Variants in HIF1A observed in about 807,000 individuals in gnomAD.
The protein encoded by HIF1A is hypoxia-inducible factor 1-alpha.
HIF1A carries 24 observed loss-of-function variants against 92.7 expected under a neutral mutation model. The ratio of observed to expected loss-of-function variants is 0.26; its 90% CI spans 0.19 to 0.36. The LOEUF (loss-of-function observed/expected upper bound fraction) is 0.36, where lower values mean the gene tolerates loss of function less well. Among genes scored for constraint, HIF1A ranks in the 10% least tolerant of loss-of-function variants. The pLI is 1.00. For missense variants in HIF1A, 799 were observed against 998.5 expected (o/e 0.80, Z 2.69); for synonymous variants, 319 against 338.7 (o/e 0.94, Z 0.64).
intron 6 of HIF1A, among the ~76,000 whole-genome samples, chr14:61,728,300 C>CAAGT (rs2044532982): frequency 3.9e-5 from 6 of 152,272 alleles, no homozygotes; most frequent in Admixed American, 3.9e-4. Context: ...ACTAGAAAGC[C>CAAGT]AAGTGTTTGT....
intron 4 of HIF1A, among the ~76,000 whole-genome samples, chr14:61,722,543 A>C (rs1488793470): frequency 6.6e-6 from 1 of 152,180 alleles, no homozygotes; most frequent in African/African-American, 2.4e-5. Flanking sequence ...TGGAGTTAAA[A>C]ATTAAAATAC....
In HIF1A at chr14:61,726,701, AT is replaced by A; in HGVS notation, c.458-3del. ...CTTTAAAACTTTATTTCATGCTTTCATTAGGCCTTGTGAAAAAGGGTAAAGA... is the reference window on the plus strand; with the variant it reads ...CTTTAAAACTTTATTTCATGCTTTCATAGGCCTTGTGAAAAAGGGTAAAGA... On this transcript the variant is annotated splice_polypyrimidine_tract_variant and splice_region_variant and intron_variant, in intron 4 of 14. Transcript: ENST00000337138. 1 of 1,570,382 alleles carries A rather than the reference AT, an allele frequency of 6.4e-7. No individual in the cohort carries two copies. The highest frequency in any genetic ancestry group is 8.7e-7 in the Non-Finnish European group (1 of 1,154,726).
At chr14:61,706,957 A>G (rs1205445442) in intron 1 of HIF1A, among the ~76,000 whole-genome samples, 2 of 152,200 alleles carry the variant, frequency 1.3e-5, no homozygotes, top group Non-Finnish European at 2.9e-5. Context: ...TGAATAGTCT[A>G]GTCAGTGTAG....
chr14:61,717,347 C>A (rs181707050), intron 1 of HIF1A, among the ~76,000 whole-genome samples: 2 of 152,272 alleles, frequency 1.3e-5, no homozygotes, highest in East Asian at 3.9e-4. Flanking sequence ...TGTTATAAGA[C>A]CTCCAGTAGT....
chr14:61,722,180 C>G (rs1371349021), intron 4 of HIF1A, among the ~76,000 whole-genome samples: 2 of 151,532 alleles, frequency 1.3e-5, no homozygotes, highest in Admixed American at 1.3e-4. Flanking sequence ...ACCGCTGGGA[C>G]TCAAGCGATC....
rs17099117 is a variant in HIF1A at position 61,704,335 on chromosome 14, G to T, written c.35+8496G>T. Among the ~76,000 whole-genome samples the T allele has an allele frequency of 9.0e-3, 1,363 of 152,060 alleles. 15 individuals are homozygous for T. Among genetic ancestry groups the T allele is most frequent in the African/African-American group, 0.03 (1,260 of 41,460 alleles). On this transcript the variant is annotated intron_variant, in intron 1 of 14. Coordinates refer to ENST00000337138, the MANE Select transcript of HIF1A (RefSeq NM_001530.4). The stretch of plus-strand genomic sequence containing the variant: ...AGTTACTGATGCTTTTCCTTTACTT[G>T]GTTTTTTTTCCATAAACATCTGGCC...
At chr14:61,746,224 CAAA>C (rs912286333) in intron 14 of HIF1A, among the ~76,000 whole-genome samples, 7 of 69,442 alleles carry the variant, frequency 1.0e-4, no homozygotes, top group Admixed American at 1.6e-4. Flanking sequence ...GACTCTGCCT[CAAA>C]AAAAAAAAAA....
At chr14:61,744,578 GTTATC>G (rs2044753869) in intron 12 of HIF1A, 122 bp from the exon 13 acceptor site, 1 of 434,636 alleles carries the variant, frequency 2.3e-6, no homozygotes, top group Non-Finnish European at 4.2e-6. Context: ...GATCAGGAAA[GTTATC>G]TTATGTATAT....
intron 5 of HIF1A, 72 bp from the exon 6 acceptor site, chr14:61,727,381 C>T (rs950687904): frequency 8.9e-7 from 1 of 1,121,018 alleles, no homozygotes. Context: ...TCAGACTCAA[C>T]TACTTATCTC....
chr14:61,731,968 C>T (rs2044580983), intron 6 of HIF1A, among the ~76,000 whole-genome samples: 1 of 152,140 alleles, frequency 6.6e-6, no homozygotes, highest in Non-Finnish European at 1.5e-5. Context: ...GAAACCCCAT[C>T]CCTACTAAAA....
chr14:61,732,130 A>G (rs2044583150), intron 6 of HIF1A, among the ~76,000 whole-genome samples: 1 of 152,182 alleles, frequency 6.6e-6, no homozygotes, highest in Non-Finnish European at 1.5e-5. Flanking sequence ...ACACGAGGGA[A>G]ACTCTTGTCT....
intron 14 of HIF1A, among the ~76,000 whole-genome samples, chr14:61,746,392 C>CTTTTTTTTTTTT (rs754879947): frequency 1.0e-4 from 5 of 49,480 alleles, no homozygotes; most frequent in African/African-American, 2.5e-4. Flanking sequence ...TTTATGACTT[C>CTTTTTTTTTTTT]TTTTTTTTTT....
intron 1 of HIF1A, among the ~76,000 whole-genome samples, chr14:61,705,330 A>G (rs2140121124): frequency 6.6e-6 from 1 of 152,268 alleles, no homozygotes; most frequent in South Asian, 2.1e-4. Flanking sequence ...GATGTAGAAT[A>G]TGCCTTTTCT....
At chr14:61,696,149 C>T (rs1342963823) in intron 1 of HIF1A, among the ~76,000 whole-genome samples, 6 of 152,264 alleles carry the variant, frequency 3.9e-5, no homozygotes, top group Admixed American at 3.9e-4. Flanking sequence ...CTCAAAAACC[C>T]AGCCTGCTCT....
In HIF1A at chr14:61,732,466, A is replaced by G; in HGVS notation, c.822A>G (p.Ser274=). Residue 274 remains serine (S), a synonymous_variant, in exon 7 of 15, where the codon TCA becomes TCG. Transcript: ENST00000337138. ...GYEPEELLGR[S]IYEYYHALDS... is the part of the protein sequence containing the mutation. ...AGCCAGAAGAACTTTTAGGCCGCTC[A>G]ATTTATGAATATTATCATGCTTTGG... is the stretch of plus-strand genomic sequence containing the variant. 1 of 1,612,200 alleles carries G rather than the reference A, an allele frequency of 6.2e-7. No individual in the cohort carries two copies. Among genetic ancestry groups the G allele is most frequent in the South Asian group, 1.1e-5 (1 of 91,034 alleles).
intron 1 of HIF1A, among the ~76,000 whole-genome samples, chr14:61,720,040 T>C (rs1007224747): frequency 6.6e-6 from 1 of 152,212 alleles, no homozygotes; most frequent in East Asian, 1.9e-4. Context: ...TTGAATTCTA[T>C]GAAGTACAGC....
rs1028149692 is a variant in HIF1A, at chr14:61,738,115, G to A, written c.1278G>A (p.Glu426=). 3.7e-6 allele frequency: 6 copies of A among 1,608,004 alleles called. No individual in the cohort carries two copies. Among genetic ancestry groups the A allele is most frequent in the Non-Finnish European group, 5.1e-6 (6 of 1,176,974 alleles). The part of the protein sequence containing the change: ...NDTETDDQQL[E]EVPLYNDVML... ...CAGAAACTGATGACCAGCAACTTGA[G>A]GAAGTACCATTATATAATGATGTAA... Residue 426 remains glutamate (E), a synonymous_variant, in exon 10 of 15, where the codon GAG becomes GAA. Transcript: ENST00000337138.
intron 10 of HIF1A, among the ~76,000 whole-genome samples, chr14:61,739,836 T>C (rs2044685037): frequency 6.6e-6 from 1 of 152,020 alleles, no homozygotes; most frequent in African/African-American, 2.4e-5. Context: ...ACCACAGGAG[T>C]GTGCCTTCTC....
intron 1 of HIF1A, among the ~76,000 whole-genome samples, chr14:61,717,985 C>T (rs1359532241): frequency 6.7e-6 from 1 of 149,882 alleles, no homozygotes; most frequent in Non-Finnish European, 1.5e-5. Context: ...CTTGCCATTG[C>T]ACTCCAGCCT....
Sources: gnomAD v4.1 joint callset for allele counts (sites outside exome capture counted in the v4.1 genomes callset) on GRCh38, gnomAD v4.1.1 for gene constraint, MANE v1.5 for transcripts, NCBI Gene and HGNC (gene_info 2026-07-23, HGNC 2026-07-21) for gene names.